Variants in NAALADL2 observed in about 807,000 individuals in gnomAD.
NAALADL2 encodes inactive N-acetylated-alpha-linked acidic dipeptidase-like protein 2.
A neutral mutation model predicts 87.2 loss-of-function variants in NAALADL2; 76 were observed. The ratio of observed to expected loss-of-function variants is 0.87; its 90% CI spans 0.72 to 1.05. The LOEUF (loss-of-function observed/expected upper bound fraction) is 1.05. Among genes scored for constraint, NAALADL2 ranks in the 50% least tolerant of loss-of-function variants. NAALADL2 has a pLI of 0.00. For missense variants in NAALADL2, 1,089 were observed against 945.8 expected (o/e 1.15, Z -1.99); for synonymous variants, 354 against 331.0 (o/e 1.07, Z -0.75).
chr3:175,781,043 A>C (rs1180618755), intron 13 of NAALADL2, among the ~76,000 whole-genome samples: 2 of 152,178 alleles, frequency 1.3e-5, no homozygotes, highest in Non-Finnish European at 2.9e-5. Context: ...TTTTACTTTG[A>C]AATGTGTAAT....
At chr3:174,635,644 A>G (rs966739300) in intron 2 of NAALADL2, among the ~76,000 whole-genome samples, 1 of 151,910 alleles carries the variant, frequency 6.6e-6, no homozygotes, top group African/African-American at 2.4e-5. Context: ...CTGGGATTAC[A>G]GGCATGTGCC....
At position 174,805,524 on chromosome 3, in the gene NAALADL2, A is replaced by T. The variant is rs771798634; in HGVS notation, c.-9+67778A>T. ...TCTTATTAACTGCTAATACTTAAAA[A>T]TCTTTTCTTGTTTCAGTAGTAAGAT... On this transcript the variant is annotated intron_variant, in intron 3 of 3. Coordinates refer to the NAALADL2 transcript ENST00000434257. 9.9e-4 allele frequency among the ~76,000 whole-genome samples: 150 copies of T among 152,272 alleles called. 1 individual carries two copies. Among genetic ancestry groups the T allele is most frequent in the Non-Finnish European group, 1.0e-3 (70 of 68,002 alleles).
intron 1 of NAALADL2, among the ~76,000 whole-genome samples, chr3:174,464,584 G>T (rs1213634058): frequency 6.6e-6 from 1 of 151,712 alleles, no homozygotes; most frequent in African/African-American, 2.4e-5. Context: ...AATGAATAAG[G>T]TTGTTATAAT....
intron 11 of NAALADL2, among the ~76,000 whole-genome samples, chr3:175,703,908 G>A (rs1430662079): frequency 6.6e-6 from 1 of 152,016 alleles, no homozygotes; most frequent in Non-Finnish European, 1.5e-5. Flanking sequence ...TTATGACAGG[G>A]GTTAAGCTAA....
intron 2 of NAALADL2, among the ~76,000 whole-genome samples, chr3:174,631,447 T>C (rs1002172334): frequency 2.0e-5 from 3 of 152,198 alleles, no homozygotes; most frequent in African/African-American, 4.8e-5. Context: ...TCTCTTTCTG[T>C]TCTGCAATGA....
At chr3:175,440,366 A>G (rs576888597) in intron 5 of NAALADL2, among the ~76,000 whole-genome samples, 65 of 152,160 alleles carry the variant, frequency 4.3e-4, no homozygotes, top group Non-Finnish European at 7.9e-4. Flanking sequence ...TTGGCTATGC[A>G]GGCTCTTTTT....
chr3:175,345,149 A>G (rs1763010969), intron 5 of NAALADL2, among the ~76,000 whole-genome samples: 1 of 152,184 alleles, frequency 6.6e-6, no homozygotes, highest in African/African-American at 2.4e-5. Context: ...AAATTAAATA[A>G]ATATAAGTAA....
At chr3:175,002,894 A>G (rs1321039786) in intron 1 of NAALADL2, among the ~76,000 whole-genome samples, 2 of 152,204 alleles carry the variant, frequency 1.3e-5, no homozygotes, top group Non-Finnish European at 2.9e-5. Context: ...GCAGGCATGT[A>G]TAAGTATAAA....
At chr3:174,626,580 A>T (rs954694099) in intron 2 of NAALADL2, among the ~76,000 whole-genome samples, 3 of 151,954 alleles carry the variant, frequency 2.0e-5, no homozygotes, top group African/African-American at 7.2e-5. Flanking sequence ...GTATAGTAAC[A>T]TTTTTCCATA....
intron 2 of NAALADL2, among the ~76,000 whole-genome samples, chr3:175,215,406 T>C (rs552095710): frequency 6.6e-6 from 1 of 152,168 alleles, no homozygotes; most frequent in Non-Finnish European, 1.5e-5. Flanking sequence ...TGTCTTGCTC[T>C]TCTATGTCCG....
chr3:175,727,473 A>G (rs565354456), intron 11 of NAALADL2, among the ~76,000 whole-genome samples: 1 of 152,298 alleles, frequency 6.6e-6, no homozygotes, highest in South Asian at 2.1e-4. Context: ...TTGGGGAACT[A>G]TATATTCCAA....
chr3:175,745,938 C>T (rs1201843002), intron 12 of NAALADL2, among the ~76,000 whole-genome samples: 1 of 152,136 alleles, frequency 6.6e-6, no homozygotes, highest in Non-Finnish European at 1.5e-5. Context: ...TCTTAAATAG[C>T]ATTATCGTAA....
intron 2 of NAALADL2, among the ~76,000 whole-genome samples, chr3:175,174,033 A>T (rs1735292260): frequency 6.6e-6 from 1 of 152,170 alleles, no homozygotes; most frequent in Non-Finnish European, 1.5e-5. Flanking sequence ...TTATTTTATT[A>T]TTGTACCCTC....
At chr3:174,960,530 A>G (rs1741822773) in intron 1 of NAALADL2, among the ~76,000 whole-genome samples, 1 of 152,014 alleles carries the variant, frequency 6.6e-6, no homozygotes, top group South Asian at 2.1e-4. Context: ...TTATTACCCT[A>G]CTAATAATCT....
chr3:175,063,345 A>C (rs993473498), intron 1 of NAALADL2, among the ~76,000 whole-genome samples: 1 of 152,118 alleles, frequency 6.6e-6, no homozygotes, highest in African/African-American at 2.4e-5. Flanking sequence ...ATTTTTAAGC[A>C]TTATTTTAAA....
intron 4 of NAALADL2, among the ~76,000 whole-genome samples, chr3:175,290,776 A>T (rs78193560): frequency 6.6e-6 from 1 of 152,266 alleles, no homozygotes; most frequent in African/African-American, 2.4e-5. Flanking sequence ...TGCAAACCTC[A>T]CTATAACCAC....
chr3:174,782,328 A>T (rs956774123), intron 3 of NAALADL2, among the ~76,000 whole-genome samples: 1 of 152,138 alleles, frequency 6.6e-6, no homozygotes, highest in African/African-American at 2.4e-5. Flanking sequence ...TTAATAGAGT[A>T]ATTCTGTTGA....
At chr3:175,767,847 C>T (rs1419688047) in intron 13 of NAALADL2, among the ~76,000 whole-genome samples, 3 of 152,174 alleles carry the variant, frequency 2.0e-5, no homozygotes, top group Non-Finnish European at 2.9e-5. Flanking sequence ...TATGAATCTC[C>T]TTCTGACATT....
At chr3:174,576,749 C>A (rs1715567251) in intron 2 of NAALADL2, among the ~76,000 whole-genome samples, 1 of 152,168 alleles carries the variant, frequency 6.6e-6, no homozygotes, top group Non-Finnish European at 1.5e-5. Flanking sequence ...ATGTAATACA[C>A]TGAAGTAAGG....
Sources: allele counts gnomAD v4.1 joint callset (sites outside exome capture counted in the v4.1 genomes callset), GRCh38; gene constraint gnomAD v4.1.1; transcripts MANE v1.5; gene names NCBI Gene and HGNC (gene_info 2026-07-23, HGNC 2026-07-21).